The following GPC6 variants were observed in gnomAD, a reference collection of about 807,000 sequenced individuals.
The protein encoded by GPC6 is glypican 6, also known as glypican-6.
In GPC6, 14 loss-of-function variants were observed where a neutral mutation model predicts 55.2. That is an observed-to-expected ratio of 0.25 (90% confidence interval 0.17 to 0.40). The LOEUF (loss-of-function observed/expected upper bound fraction) is 0.40. Ranked by LOEUF, GPC6 falls within the 10% of genes least tolerant of loss-of-function variation. The pLI, the probability that GPC6 is intolerant of heterozygous loss-of-function variation, is 1.00. For synonymous variants in GPC6, 278 were observed against 259.6 expected (o/e 1.07, Z -0.68); for missense variants, 641 against 708.5 (o/e 0.90, Z 1.08).
rs76856830 is a variant in GPC6, at chr13:93,821,538, C to T, written c.320-8616C>T. 4.6e-3 allele frequency among the ~76,000 whole-genome samples: 706 copies of T among 152,238 alleles called. 7 individuals are homozygous for T. Among genetic ancestry groups the T allele is most frequent in the African/African-American group, 0.016 (677 of 41,540 alleles). On this transcript the variant is annotated intron_variant, in intron 2 of 8. Coordinates refer to ENST00000377047, the MANE Select transcript of GPC6 (RefSeq NM_005708.5). ...CTTCCTGGGCTGGTCAAATGTACCT[C>T]GAGAAGTACAAATTTAGGACATTGG...
At chr13:94,058,309 G>A (rs2225231) in intron 4 of GPC6, among the ~76,000 whole-genome samples, 3,883 of 152,250 alleles carry the variant, frequency 0.026, 147 homozygotes, top group South Asian at 0.089. Context: ...ATCTGCCAAT[G>A]GAGAGACCTA....
intron 4 of GPC6, among the ~76,000 whole-genome samples, chr13:94,095,207 C>T (rs1052546861): frequency 6.6e-6 from 1 of 151,994 alleles, no homozygotes; most frequent in African/African-American, 2.4e-5. Context: ...GTATTTAAAT[C>T]CGTGAGTTTT....
At chr13:93,674,254 A>G (rs1298457039) in intron 2 of GPC6, among the ~76,000 whole-genome samples, 2 of 152,150 alleles carry the variant, frequency 1.3e-5, no homozygotes, top group Non-Finnish European at 2.9e-5. Flanking sequence ...GTGTCATCCC[A>G]TTATTTCTAT....
chr13:94,294,352 G>C (rs142202423), intron 5 of GPC6, among the ~76,000 whole-genome samples: 25 of 148,012 alleles, frequency 1.7e-4, no homozygotes, highest in African/African-American at 6.2e-4. Flanking sequence ...GACGAGGGTA[G>C]AACCCATTAA....
At chr13:94,097,077 C>A (rs1346242667) in intron 4 of GPC6, among the ~76,000 whole-genome samples, 1 of 150,740 alleles carries the variant, frequency 6.6e-6, no homozygotes. Flanking sequence ...CAGTGCCCAA[C>A]ACACAGTAAG....
chr13:93,974,593 T>A (rs891571071), intron 3 of GPC6, among the ~76,000 whole-genome samples: 2 of 152,166 alleles, frequency 1.3e-5, no homozygotes, highest in African/African-American at 4.8e-5. Flanking sequence ...CTTGGGCTAT[T>A]TTATTTTTTA....
chr13:94,018,933 C>T (rs1882594050), intron 3 of GPC6, among the ~76,000 whole-genome samples: 1 of 152,198 alleles, frequency 6.6e-6, no homozygotes, highest in Non-Finnish European at 1.5e-5. Flanking sequence ...CATCCCACAA[C>T]CATTCCCCCA....
chr13:93,485,742 G>A (rs1403611453), intron 1 of GPC6, among the ~76,000 whole-genome samples: 2 of 152,160 alleles, frequency 1.3e-5, no homozygotes, highest in Non-Finnish European at 2.9e-5. Flanking sequence ...GTTCAGGCAG[G>A]AGGTGGGGTA....
chr13:94,326,480 C>G (rs1415860724), intron 6 of GPC6, among the ~76,000 whole-genome samples: 1 of 152,112 alleles, frequency 6.6e-6, no homozygotes, highest in African/African-American at 2.4e-5. Flanking sequence ...AATCAGACTC[C>G]TTGGATCCAC....
At chr13:93,952,723 A>C (rs1199008029) in intron 3 of GPC6, among the ~76,000 whole-genome samples, 2 of 150,300 alleles carry the variant, frequency 1.3e-5, no homozygotes, top group Non-Finnish European at 3.0e-5. Flanking sequence ...ATTCACCTGT[A>C]TGTGTGTATA....
chr13:93,734,527 T>G (rs2138840585), intron 2 of GPC6, among the ~76,000 whole-genome samples: 1 of 152,308 alleles, frequency 6.6e-6, no homozygotes, highest in Non-Finnish European at 1.5e-5. Context: ...TTCAGAAATT[T>G]TAATTTGGGA....
chr13:93,222,605 ATTTGT>A (rs71654691), upstream of GPC6, among the ~76,000 whole-genome samples: 25,057 of 152,000 alleles, frequency 0.16, 2,333 homozygotes, highest in Admixed American at 0.21. Context: ...GTCCACTGCA[ATTTGT>A]TTTATGTTTG....
chr13:94,401,161 T>C (rs1162195612), intron 8 of GPC6, among the ~76,000 whole-genome samples: 5 of 152,190 alleles, frequency 3.3e-5, no homozygotes. Flanking sequence ...AGCACATTTA[T>C]TTATTCAGCA....
chr13:93,297,223 G>A (rs868181158), intron 1 of GPC6, among the ~76,000 whole-genome samples: 5 of 152,086 alleles, frequency 3.3e-5, no homozygotes, highest in Middle Eastern at 3.2e-3. Context: ...CTTCTAGGCC[G>A]GGAGTTCAAG....
At chr13:94,355,890 T>C (rs1878769135) in intron 6 of GPC6, among the ~76,000 whole-genome samples, 2 of 152,180 alleles carry the variant, frequency 1.3e-5, no homozygotes, top group Non-Finnish European at 2.9e-5. Flanking sequence ...ACCTAGGTAT[T>C]AAACCCCGCA....
intron 4 of GPC6, among the ~76,000 whole-genome samples, chr13:94,175,987 G>GCA (rs1188425166): frequency 7.6e-5 from 5 of 66,022 alleles, no homozygotes; most frequent in Non-Finnish European, 1.2e-4. Flanking sequence ...GAGAGAGAGA[G>GCA]AGAGAGCGAG....
intron 4 of GPC6, among the ~76,000 whole-genome samples, chr13:94,195,967 T>C (rs1386431891): frequency 6.6e-6 from 1 of 152,240 alleles, no homozygotes; most frequent in East Asian, 1.9e-4. Context: ...AACCACTGCA[T>C]GCTCAGAATG....
intron 1 of GPC6, among the ~76,000 whole-genome samples, chr13:93,404,295 A>G (rs964444835): frequency 2.0e-5 from 3 of 152,116 alleles, no homozygotes; most frequent in African/African-American, 7.2e-5. Context: ...AACAAACAAA[A>G]CTATAGCCAT....
intron 2 of GPC6, among the ~76,000 whole-genome samples, chr13:93,663,504 G>A (rs1881008840): frequency 6.6e-6 from 1 of 152,152 alleles, no homozygotes; most frequent in Non-Finnish European, 1.5e-5. Context: ...CTTTCTGTCT[G>A]AGTAGATATA....
Sources: gnomAD v4.1 joint callset for allele counts (sites outside exome capture counted in the v4.1 genomes callset) on GRCh38, gnomAD v4.1.1 for gene constraint, MANE v1.5 for transcripts, NCBI Gene and HGNC (gene_info 2026-07-23, HGNC 2026-07-21) for gene names.